MAP2K4: variants seen among roughly 807,000 people sequenced by gnomAD.
MAP2K4 encodes dual specificity mitogen-activated protein kinase kinase 4.
Under a neutral mutation model 48.5 loss-of-function variants are expected in MAP2K4, and 4 were observed. The ratio of observed to expected loss-of-function variants is 0.08; its 90% CI spans 0.04 to 0.19. The LOEUF is 0.19. Ranked by LOEUF, MAP2K4 falls within the 10% of genes least tolerant of loss-of-function variation. The pLI is 1.00. For missense variants in MAP2K4, 258 were observed against 493.3 expected, an observed-to-expected ratio of 0.52 and a Z score of 4.52; for synonymous variants, 166 against 173.1, an observed-to-expected ratio of 0.96 and a Z score of 0.32.
chr17:12,079,608 T>G (rs1179383646), intron 2 of MAP2K4, among the ~76,000 whole-genome samples: 1 of 152,202 alleles, frequency 6.6e-6, no homozygotes, highest in African/African-American at 2.4e-5. Flanking sequence ...GTAAAAAATT[T>G]TGCTTCTGAT....
intron 5 of MAP2K4, among the ~76,000 whole-genome samples, chr17:12,109,935 T>C (rs1444462582): frequency 3.9e-5 from 6 of 151,918 alleles, no homozygotes; most frequent in African/African-American, 1.5e-4. Flanking sequence ...TGAGATCAGC[T>C]TGGGCAACAT....
chr17:12,098,201 C>T (rs758055936), intron 4 of MAP2K4, among the ~76,000 whole-genome samples: 13 of 152,078 alleles, frequency 8.5e-5, no homozygotes, highest in East Asian at 7.7e-4. Context: ...TTAAAATGGC[C>T]GGGCACGGTG....
intron 9 of MAP2K4, among the ~76,000 whole-genome samples, chr17:12,137,366 G>T (rs558164424): frequency 6.6e-6 from 1 of 152,188 alleles, no homozygotes; most frequent in South Asian, 2.1e-4. Context: ...TGCTGTAAAA[G>T]AAAATCAGTA....
chr17:12,069,765 G>T lies in MAP2K4; in HGVS notation c.219-11591G>T, dbSNP rs1158098085. The stretch of plus-strand genomic sequence containing the variant: ...GGAAATTTCCGGAATTAACAGAGCT[G>T]CATTGCAGAAGGATGCATAAAGCAG... On this transcript the variant is annotated intron_variant, in intron 2 of 10. Coordinates refer to ENST00000353533, the MANE Select transcript of MAP2K4 (RefSeq NM_003010.4). 4.7e-6 allele frequency: 5 copies of T among 1,055,644 alleles called. No homozygotes were observed. In the African/African-American group the frequency reaches 6.8e-5, roughly 14 times the overall value. 65.4% of individuals were successfully genotyped at this position (1,055,644 alleles called of 1,614,324 possible).
At chr17:12,087,377 A>G (rs994654409) in intron 3 of MAP2K4, among the ~76,000 whole-genome samples, 1 of 152,082 alleles carries the variant, frequency 6.6e-6, no homozygotes, top group African/African-American at 2.4e-5. Context: ...TAAGATTGAC[A>G]TTGTTTCTTT....
chr17:12,130,681 G>A (rs562213002), intron 9 of MAP2K4, among the ~76,000 whole-genome samples: 41 of 152,252 alleles, frequency 2.7e-4, no homozygotes, highest in African/African-American at 9.6e-4. Flanking sequence ...ATAGTTCCAT[G>A]TCATTGCAAA....
intron 2 of MAP2K4, among the ~76,000 whole-genome samples, chr17:12,074,725 A>G (rs780573927): frequency 6.6e-6 from 1 of 152,138 alleles, no homozygotes; most frequent in Non-Finnish European, 1.5e-5. Flanking sequence ...AACTTTGGCT[A>G]CCTTGGTCTC....
intron 1 of MAP2K4, among the ~76,000 whole-genome samples, chr17:12,049,482 T>C (rs1970067829): frequency 6.6e-6 from 1 of 152,260 alleles, no homozygotes; most frequent in Non-Finnish European, 1.5e-5. Context: ...GTTTAATTTT[T>C]ATGATTCTTT....
intron 9 of MAP2K4, among the ~76,000 whole-genome samples, chr17:12,133,037 T>C (rs1973083335): frequency 6.6e-6 from 1 of 152,180 alleles, no homozygotes; most frequent in Admixed American, 6.5e-5. Flanking sequence ...ATGCCTGCTT[T>C]AGATAATAGG....
At chr17:12,132,420 C>T (rs1044973345) in intron 9 of MAP2K4, among the ~76,000 whole-genome samples, 1 of 152,134 alleles carries the variant, frequency 6.6e-6, no homozygotes, top group African/African-American at 2.4e-5. Context: ...CTTCACTCAG[C>T]AACTTCAGTA....
In MAP2K4 at chr17:12,090,756, T is replaced by C. The variant is rs746116476; in HGVS notation, c.394-4819T>C. Among the ~76,000 whole-genome samples, 6 of 152,142 alleles carry C rather than the reference T, an allele frequency of 3.9e-5. No homozygotes were observed. The South Asian group carries it at 1.2e-3, about 31-fold the overall frequency. On this transcript the variant is annotated intron_variant, in intron 3 of 10. Coordinates refer to ENST00000353533, the MANE Select transcript of MAP2K4 (RefSeq NM_003010.4). Reference sequence around the variant, plus strand: ...ATGGGATTGAGGCATAATATCTGAGTAAGAAGGGAATAAATTAGTTTTCCT... The same window carrying C: ...ATGGGATTGAGGCATAATATCTGAGCAAGAAGGGAATAAATTAGTTTTCCT...
chr17:12,043,376 C>T (rs551160961), intron 1 of MAP2K4, among the ~76,000 whole-genome samples: 18 of 152,258 alleles, frequency 1.2e-4, no homozygotes, highest in Admixed American at 2.0e-4. Flanking sequence ...TGACAGCAAC[C>T]GTGTATCCAA....
chr17:12,021,148 C>T (rs1969024233), intron 1 of MAP2K4, 147 bp downstream of exon 1: 1 of 434,192 alleles, frequency 2.3e-6, no homozygotes, highest in African/African-American at 2.1e-5. Context: ...GGCTTCCCGC[C>T]CCGCTCCCGG....
At chr17:12,118,681 G>A (rs1026870398) in intron 7 of MAP2K4, among the ~76,000 whole-genome samples, 4 of 152,220 alleles carry the variant, frequency 2.6e-5, no homozygotes, top group Non-Finnish European at 5.9e-5. Flanking sequence ...TTAGATCAGT[G>A]AAGGGTAAAT....
In MAP2K4 at chr17:12,143,031, A is replaced by C. The variant is rs189374285; in HGVS notation, c.*1771A>C. 5.3e-4 allele frequency: 124 copies of C among 233,050 alleles called. No individual in the cohort carries two copies. Among genetic ancestry groups the C allele is most frequent in the Non-Finnish European group, 7.6e-4 (89 of 117,866 alleles). The allele number at this position is 233,050 out of a possible 1,614,324, so 14.4% of individuals were successfully genotyped here. On this transcript the variant is annotated 3_prime_UTR_variant, in exon 11 of 11. Coordinates refer to ENST00000353533, the MANE Select transcript of MAP2K4 (RefSeq NM_003010.4). ...ACATCCCTGTAAATTGCAGAATTCA[A>C]AAGTGATTATCTCTTTGATCTACTT...
intron 7 of MAP2K4, among the ~76,000 whole-genome samples, chr17:12,118,736 G>A (rs1419360950): frequency 6.6e-6 from 1 of 152,192 alleles, no homozygotes. Context: ...AGTGAACAGA[G>A]GTGTGGGTGT....
At chr17:12,097,471 A>G (rs2151563946) in intron 4 of MAP2K4, among the ~76,000 whole-genome samples, 1 of 152,370 alleles carries the variant, frequency 6.6e-6, no homozygotes. Context: ...AGTCATATTC[A>G]TGATTGACAA....
At chr17:12,070,616 A>G (rs377536274) in intron 2 of MAP2K4, among the ~76,000 whole-genome samples, 4 of 152,218 alleles carry the variant, frequency 2.6e-5, no homozygotes, top group African/African-American at 4.8e-5. Context: ...GATAGATGCA[A>G]TTTAGGTTGC....
At chr17:12,079,443 A>G (rs1971120219) in intron 2 of MAP2K4, among the ~76,000 whole-genome samples, 1 of 152,180 alleles carries the variant, frequency 6.6e-6, no homozygotes, top group African/African-American at 2.4e-5. Flanking sequence ...GTCATATTAT[A>G]TCATCTTTAC....
Sources: allele counts gnomAD v4.1 joint callset (sites outside exome capture counted in the v4.1 genomes callset), GRCh38; gene constraint gnomAD v4.1.1; transcripts MANE v1.5; gene names NCBI Gene and HGNC (gene_info 2026-07-23, HGNC 2026-07-21).